The following RGS7 variants were observed in gnomAD, a reference collection of about 807,000 sequenced individuals.
The protein encoded by RGS7 is regulator of G protein signaling 7.
Under a neutral mutation model 81.1 loss-of-function variants are expected in RGS7, and 27 were observed. The observed-to-expected ratio is 0.33, with a 90% CI of 0.25 to 0.46. The LOEUF (loss-of-function observed/expected upper bound fraction) is 0.46. Ranked by LOEUF, RGS7 falls within the 20% of genes least tolerant of loss-of-function variation. The pLI is 1.00. For missense variants in RGS7, 396 were observed against 607.4 expected, an observed-to-expected ratio of 0.65 and a Z score of 3.66; for synonymous variants, 208 against 207.7, an observed-to-expected ratio of 1.00 and a Z score of -0.01.
chr1:240,954,379 T>A, intron 4 of RGS7, among the ~76,000 whole-genome samples: 1 of 152,208 alleles, frequency 6.6e-6, no homozygotes, highest in East Asian at 1.9e-4. Context: ...TAACAGTTAA[T>A]AAAAAGAATT....
intron 2 of RGS7, among the ~76,000 whole-genome samples, chr1:241,155,939 G>A (rs758905625): frequency 4.6e-5 from 7 of 152,046 alleles, no homozygotes; most frequent in Middle Eastern, 3.2e-3. Flanking sequence ...CTTTCTTCAT[G>A]ACTAGATAAA....
At chr1:240,834,024 C>A (rs1301274319) in intron 9 of RGS7, among the ~76,000 whole-genome samples, 1 of 152,176 alleles carries the variant, frequency 6.6e-6, no homozygotes, top group Non-Finnish European at 1.5e-5. Flanking sequence ...TGGCCTCAAG[C>A]AGTCCTCCCA....
chr1:241,036,563 C>G (rs192228346), intron 3 of RGS7, among the ~76,000 whole-genome samples: 1 of 152,202 alleles, frequency 6.6e-6, no homozygotes, highest in Admixed American at 6.5e-5. Context: ...TAGCATGCTT[C>G]TCATTCTAAA....
intron 6 of RGS7, 145 bp downstream of exon 6, chr1:240,930,572 G>A (rs1355186966): frequency 9.9e-6 from 8 of 808,016 alleles, no homozygotes; most frequent in African/African-American, 3.4e-5. Flanking sequence ...AAACAAAGCC[G>A]CTTATCAATT....
At chr1:240,914,842 G>A (rs1476839689) in intron 6 of RGS7, among the ~76,000 whole-genome samples, 1 of 152,136 alleles carries the variant, frequency 6.6e-6, no homozygotes, top group Admixed American at 6.5e-5. Flanking sequence ...TTGACCCCAT[G>A]ATTGGAGACA....
At chr1:240,881,432 T>C (rs1255616128) in intron 6 of RGS7, among the ~76,000 whole-genome samples, 1 of 152,148 alleles carries the variant, frequency 6.6e-6, no homozygotes, top group East Asian at 1.9e-4. Flanking sequence ...CAAACCAACA[T>C]GGCACATGTA....
At chr1:241,279,934 T>C (rs914865385) in intron 2 of RGS7, among the ~76,000 whole-genome samples, 18 of 152,102 alleles carry the variant, frequency 1.2e-4, no homozygotes, top group Non-Finnish European at 2.2e-4. Flanking sequence ...GGGAAGGAGG[T>C]ACCACAGTGT....
rs191667348 is a variant in RGS7, at chr1:241,031,991, T to G, written c.176-48862A>C. Among the ~76,000 whole-genome samples the G allele has an allele frequency of 2.8e-3, 428 of 152,374 alleles. 4 individuals are homozygous for G. Among genetic ancestry groups the G allele is most frequent in the African/African-American group, 9.8e-3 (408 of 41,596 alleles). Reference sequence around the variant, plus strand: ...GTTTCTTAGTTTAAATGAATCTCATTTGTCCAAAATAGTTTTTGTTACTTG... The same window carrying G: ...GTTTCTTAGTTTAAATGAATCTCATGTGTCCAAAATAGTTTTTGTTACTTG... On this transcript the variant is annotated intron_variant, in intron 3 of 18. Transcript: ENST00000440928.
chr1:241,257,653 A>G (rs2077115291), intron 2 of RGS7, among the ~76,000 whole-genome samples: 1 of 152,212 alleles, frequency 6.6e-6, no homozygotes, highest in Non-Finnish European at 1.5e-5. Context: ...TTAATTCAGA[A>G]GGCCAATGGT....
intron 2 of RGS7, among the ~76,000 whole-genome samples, chr1:241,263,389 C>G (rs1247650807): frequency 6.6e-6 from 1 of 152,142 alleles, no homozygotes; most frequent in Non-Finnish European, 1.5e-5. Flanking sequence ...CTCTGGGGAA[C>G]ATGTAGTGCC....
intron 2 of RGS7, among the ~76,000 whole-genome samples, chr1:241,147,872 CCTT>C (rs1225614858): frequency 7.6e-6 from 1 of 131,670 alleles, no homozygotes; most frequent in Admixed American, 8.5e-5. Flanking sequence ...TTTTCTTACT[CCTT>C]CTTTACATTC....
chr1:241,273,431 CATCT>C (rs2078031772), intron 2 of RGS7, among the ~76,000 whole-genome samples: 2 of 81,020 alleles, frequency 2.5e-5, no homozygotes, highest in Middle Eastern at 0.013. Flanking sequence ...CTTGTCAGTC[CATCT>C]GTTAGCTTTT....
intron 2 of RGS7, among the ~76,000 whole-genome samples, chr1:241,121,662 G>T (rs772070916): frequency 4.8e-5 from 7 of 144,958 alleles, no homozygotes; most frequent in Non-Finnish European, 1.1e-4. Flanking sequence ...GTTTAGAGAA[G>T]AAAGAGTTTA....
chr1:241,303,148 A>G lies in RGS7; in HGVS notation c.78+52551T>C, dbSNP rs117841184. On this transcript the variant is annotated intron_variant, in intron 2 of 18. Transcript: ENST00000440928. Reference sequence around the variant, plus strand: ...GGTTTGGATTTGCGTCCCTGCCCAAAGTTCATGTCAAATTGTAATCCCCAG... The same window carrying G: ...GGTTTGGATTTGCGTCCCTGCCCAAGGTTCATGTCAAATTGTAATCCCCAG... 1.8e-3 allele frequency among the ~76,000 whole-genome samples: 274 copies of G among 152,242 alleles called. 5 individuals carry two copies. The East Asian group carries it at 0.03, about 17-fold the overall frequency.
chr1:240,968,549 T>TA (rs10699651), intron 4 of RGS7, among the ~76,000 whole-genome samples: 112,438 of 148,834 alleles, frequency 0.76, 43,602 homozygotes, highest in East Asian at 0.96. Context: ...ACTGCAAAAT[T>TA]AAAAAAAAAA....
At position 240,868,120 on chromosome 1, in the gene RGS7, AAG is replaced by A. The variant is rs1663739928; in HGVS notation, c.609+465_609+466del. On this transcript the variant is annotated intron_variant, in intron 9 of 18. Transcript: ENST00000440928. This position sits in a 1 kb window ranked among gnomAD's most constrained non-coding sequence, Gnocchi z 5.1. The stretch of plus-strand genomic sequence containing the variant: ...AAGAAAAAGAAAGAAAAGAAAAGGA[AAG>A]AAAGAAAGAAAGAAAGAAAGAAAGA... Among the ~76,000 whole-genome samples the A allele has an allele frequency of 1.0e-5, 1 of 98,724 alleles. No individual in the cohort carries two copies. Among genetic ancestry groups the A allele is most frequent in the Non-Finnish European group, 1.8e-5 (1 of 54,488 alleles). The allele number at this position is 98,724 out of a possible 152,430, so 64.8% of individuals were successfully genotyped here. A position where few individuals can be genotyped will look rare whatever the true frequency, so the allele number is the denominator to read the frequency against.
At chr1:240,944,928 G>T (rs988780400) in intron 4 of RGS7, among the ~76,000 whole-genome samples, 3 of 152,240 alleles carry the variant, frequency 2.0e-5, no homozygotes, top group African/African-American at 7.2e-5. Flanking sequence ...GGGCAGGATG[G>T]TCTCTATCTC....
At chr1:240,828,230 G>T (rs1449857426) in intron 9 of RGS7, among the ~76,000 whole-genome samples, 6 of 151,716 alleles carry the variant, frequency 4.0e-5, no homozygotes, top group Non-Finnish European at 8.8e-5. Context: ...TCATTTGTCA[G>T]ATTTATTGTT....
At chr1:240,871,846 C>T (rs1445398698) in intron 6 of RGS7, among the ~76,000 whole-genome samples, 2 of 152,122 alleles carry the variant, frequency 1.3e-5, no homozygotes, top group African/African-American at 2.4e-5. Flanking sequence ...GGAATTACCT[C>T]TGATGAAATT....
Sources: allele counts gnomAD v4.1 joint callset (sites outside exome capture counted in the v4.1 genomes callset), GRCh38; gene constraint gnomAD v4.1.1; non-coding constraint Gnocchi (gnomAD v3.1); transcripts MANE v1.5; gene names NCBI Gene and HGNC (gene_info 2026-07-23, HGNC 2026-07-21).